BICC1: variants seen among roughly 807,000 people sequenced by gnomAD.
The protein encoded by BICC1 is protein bicaudal C homolog 1.
BICC1 carries 43 observed loss-of-function variants against 111.0 expected under a neutral mutation model. The observed-to-expected ratio is 0.39, with a 90% CI of 0.30 to 0.50. The LOEUF (loss-of-function observed/expected upper bound fraction) is 0.50. Ranked by LOEUF, BICC1 falls within the 20% of genes least tolerant of loss-of-function variation. The pLI is 0.88. For synonymous variants in BICC1, 467 were observed against 434.4 expected, an observed-to-expected ratio of 1.07 and a Z score of -0.93; for missense variants, 1,091 against 1,203.2, an observed-to-expected ratio of 0.91 and a Z score of 1.38.
intron 2 of BICC1, among the ~76,000 whole-genome samples, chr10:58,653,421 CAA>C (rs890770311): frequency 2.3e-4 from 35 of 152,024 alleles, no homozygotes; most frequent in African/African-American, 8.5e-4. Flanking sequence ...ACATTCACAC[CAA>C]GACTGTGGAC....
intron 3 of BICC1, among the ~76,000 whole-genome samples, chr10:58,763,301 A>G (rs1842369173): frequency 6.6e-6 from 1 of 152,230 alleles, no homozygotes; most frequent in Non-Finnish European, 1.5e-5. Context: ...GACACTAGTC[A>G]CTGTAGCTGA....
intron 1 of BICC1, among the ~76,000 whole-genome samples, chr10:58,524,087 G>A (rs1842465167): frequency 6.6e-6 from 1 of 152,036 alleles, no homozygotes; most frequent in Non-Finnish European, 1.5e-5. Flanking sequence ...CATGCTCATG[G>A]GTAGGAAGAC....
intron 2 of BICC1, among the ~76,000 whole-genome samples, chr10:58,676,954 G>C (rs183562222): frequency 6.8e-4 from 103 of 152,282 alleles, no homozygotes; most frequent in Non-Finnish European, 2.5e-4. Context: ...CTGCAGAAGA[G>C]GGGCCTGACT....
At chr10:58,642,129 T>G (rs1838141600) in intron 2 of BICC1, among the ~76,000 whole-genome samples, 1 of 152,234 alleles carries the variant, frequency 6.6e-6, no homozygotes, top group Non-Finnish European at 1.5e-5. Flanking sequence ...ACTCTAAAGC[T>G]GGCATTTAGA....
intron 1 of BICC1, among the ~76,000 whole-genome samples, chr10:58,540,363 A>T (rs1842930282): frequency 2.0e-5 from 3 of 151,974 alleles, no homozygotes. Context: ...CAAAATCAAC[A>T]GTTCCATATT....
rs538523380 is a variant in BICC1, at chr10:58,536,979, C to T, written c.190+23646C>T. On this transcript the variant is annotated intron_variant, in intron 1 of 20. Transcript: ENST00000373886. ...AAATGGATAAATTCCCGGAAACATA[C>T]GACACCCTAGCTTGAGTCAGGAAGA... 3.3e-5 allele frequency among the ~76,000 whole-genome samples: 5 copies of T among 151,836 alleles called. No homozygotes were observed. In the South Asian group the frequency reaches 8.3e-4, roughly 25 times the overall value.
intron 2 of BICC1, among the ~76,000 whole-genome samples, chr10:58,687,961 G>C (rs970775538): frequency 1.3e-5 from 2 of 152,068 alleles, no homozygotes; most frequent in African/African-American, 4.8e-5. Context: ...GACTGGAGTT[G>C]TTCCTATTTG....
intron 2 of BICC1, among the ~76,000 whole-genome samples, chr10:58,690,031 A>G (rs1839865136): frequency 6.6e-6 from 1 of 152,182 alleles, no homozygotes; most frequent in Non-Finnish European, 1.5e-5. Flanking sequence ...TTCACCATAA[A>G]CATATTGTTT....
intron 1 of BICC1, among the ~76,000 whole-genome samples, chr10:58,614,586 T>G (rs1332502954): frequency 6.6e-6 from 1 of 152,146 alleles, no homozygotes; most frequent in Non-Finnish European, 1.5e-5. Flanking sequence ...TTTTAGTGAT[T>G]TTTTTTCACC....
At position 58,513,306 on chromosome 10, in the gene BICC1, A is replaced by G; in HGVS notation, c.163A>G (p.Arg55Gly). The change falls in exon 1 of 21, where the codon AGG becomes GGG. Residue 55 changes from arginine to glycine, a missense_variant. Arg to Gly is a moderately radical substitution (Grantham distance 125). Transcript: ENST00000373886. ...GAGCGAGGAGCGCTTCCGCGTGGACAGGAAGAAACTTGAGGCCATGTTACA... is the reference window on the plus strand; with the variant it reads ...GAGCGAGGAGCGCTTCCGCGTGGACGGGAAGAAACTTGAGGCCATGTTACA... Reference protein sequence around the residue: ...EWSEERFRVDRKKLEAMLQAA... With the variant: ...EWSEERFRVDGKKLEAMLQAA... The G allele has an allele frequency of 1.9e-6, 3 of 1,609,836 alleles. No individual in the cohort carries two copies. Among genetic ancestry groups the G allele is most frequent in the Non-Finnish European group, 2.5e-6 (3 of 1,177,652 alleles).
At chr10:58,683,907 CTT>C (rs1008020243) in intron 2 of BICC1, among the ~76,000 whole-genome samples, 1 of 152,134 alleles carries the variant, frequency 6.6e-6, no homozygotes, top group Admixed American at 6.5e-5. Flanking sequence ...ACTTCCAACA[CTT>C]TGTTGAATAG....
At chr10:58,607,530 C>T (rs1269569159) in intron 1 of BICC1, among the ~76,000 whole-genome samples, 1 of 151,874 alleles carries the variant, frequency 6.6e-6, no homozygotes, top group African/African-American at 2.4e-5. Context: ...CTTGCTTTCT[C>T]CCTCCTGTCC....
At chr10:58,715,721 G>A (rs144109479) in intron 3 of BICC1, 4 of 1,571,686 alleles carry the variant, frequency 2.5e-6, no homozygotes, top group East Asian at 2.2e-5. Flanking sequence ...AAGGTTCCAA[G>A]GCTTTGGCTG....
intron 2 of BICC1, among the ~76,000 whole-genome samples, chr10:58,641,831 G>A (rs1838132854): frequency 6.6e-6 from 1 of 152,152 alleles, no homozygotes; most frequent in East Asian, 1.9e-4. Context: ...GTCTAGTGGT[G>A]TTAGCATTGT....
At chr10:58,594,884 T>A (rs1231841507) in intron 1 of BICC1, among the ~76,000 whole-genome samples, 1 of 152,088 alleles carries the variant, frequency 6.6e-6, no homozygotes, top group Non-Finnish European at 1.5e-5. Flanking sequence ...AATATTAACC[T>A]AAATGTAGGC....
intron 2 of BICC1, among the ~76,000 whole-genome samples, chr10:58,683,734 A>T (rs1045491136): frequency 2.0e-5 from 3 of 152,194 alleles, no homozygotes; most frequent in African/African-American, 7.2e-5. Flanking sequence ...TTGTATCCTG[A>T]GATTTGCTGA....
chr10:58,787,109 A>C, intron 5 of BICC1, 28 bp downstream of exon 5: 1 of 1,530,958 alleles, frequency 6.5e-7, no homozygotes, highest in Non-Finnish European at 8.7e-7. Flanking sequence ...ATGAACTTTT[A>C]TGGGATGAAT....
intron 1 of BICC1, among the ~76,000 whole-genome samples, chr10:58,531,942 G>T (rs893981869): frequency 2.6e-5 from 4 of 151,776 alleles, no homozygotes; most frequent in Non-Finnish European, 5.9e-5. Flanking sequence ...GCGCCATCAA[G>T]TGAATCAATA....
At chr10:58,705,687 A>G (rs1334595940) in intron 3 of BICC1, among the ~76,000 whole-genome samples, 1 of 152,252 alleles carries the variant, frequency 6.6e-6, no homozygotes, top group Non-Finnish European at 1.5e-5. Context: ...CTAAGGAACT[A>G]TAGAATTATT....
Sources: gnomAD v4.1 joint callset for allele counts (sites outside exome capture counted in the v4.1 genomes callset) on GRCh38, gnomAD v4.1.1 for gene constraint, MANE v1.5 for transcripts, NCBI Gene and HGNC (gene_info 2026-07-23, HGNC 2026-07-21) for gene names.